Variants in LARP7 observed in about 807,000 individuals in gnomAD.
The protein encoded by LARP7 is La ribonucleoprotein 7, transcriptional regulator.
In LARP7, 52 loss-of-function variants were observed where a neutral mutation model predicts 69.3. The ratio of observed to expected loss-of-function variants is 0.75; its 90% CI spans 0.60 to 0.95. LARP7 has a LOEUF of 0.95. Ranked by LOEUF, LARP7 falls within the 40% of genes least tolerant of loss-of-function variation. The pLI, the probability that LARP7 is intolerant of heterozygous loss-of-function variation, is 0.00. For synonymous variants in LARP7, 254 were observed against 215.9 expected, an observed-to-expected ratio of 1.18 and a Z score of -1.55; for missense variants, 733 against 673.0, an observed-to-expected ratio of 1.09 and a Z score of -0.99.
At chr4:112,653,054 C>A in intron 10 of LARP7, 23 bp from the exon 11 acceptor site, 1 of 1,545,388 alleles carries the variant, frequency 6.5e-7, no homozygotes, top group Non-Finnish European at 8.7e-7. Context: ...TTTTATTTGT[C>A]TTTCTACTTA....
In LARP7 at chr4:112,657,311, T is replaced by C; in HGVS notation, c.1733T>C (p.Phe578Ser). The change falls in exon 13 of 13, where the codon TTT (phenylalanine) becomes TCT (serine). Residue 578 changes from phenylalanine (F) to serine (S), a missense_variant. Physicochemically the swap from Phe to Ser is radical, Grantham distance 155 (BLOSUM62 -2). Transcript: ENST00000344442. ...CAACAAGCGAGTAAACATATAAGAT[T>C]TTCTGAATATGATTGAAAAAAAAAA... ...KTQQASKHIR[F>S]SEYD 6.3e-7 allele frequency: 1 copy of C among 1,584,418 alleles called. No homozygotes were observed.
In LARP7 at chr4:112,647,065, G is replaced by T. The variant is rs1335783331; in HGVS notation, c.584G>T (p.Arg195Ile). Reference protein sequence around the residue: ...FLNNPPEEAPRKPGIFPKTVK... With the variant: ...FLNNPPEEAPIKPGIFPKTVK... The stretch of plus-strand genomic sequence containing the variant: ...AACAACCCACCAGAAGAAGCACCAA[G>T]AAAACCTGGCATATTTCCTAAAACA... Residue 195 changes from arginine to isoleucine, a missense_variant, in exon 6 of 13, where the codon AGA (arginine) becomes ATA (isoleucine). Coordinates refer to ENST00000344442, the MANE Select transcript of LARP7 (RefSeq NM_016648.4). The T allele has an allele frequency of 1.9e-6, 3 of 1,611,770 alleles. No homozygotes were observed. The highest frequency in any genetic ancestry group is 2.5e-6 in the Non-Finnish European group (3 of 1,179,520).
At chr4:112,650,926 G>A (rs1025448106) in intron 10 of LARP7, among the ~76,000 whole-genome samples, 8 of 151,856 alleles carry the variant, frequency 5.3e-5, no homozygotes, top group African/African-American at 1.9e-4. Context: ...AAATATTTTT[G>A]AAAACCTCTT....
At position 112,654,102 on chromosome 4, in the gene LARP7, G is replaced by T; in HGVS notation, c.1611G>T (p.Leu537Phe). 1 of 1,613,716 alleles carries T rather than the reference G, an allele frequency of 6.2e-7. No homozygotes were observed. Among genetic ancestry groups the T allele is most frequent in the Non-Finnish European group, 8.5e-7 (1 of 1,179,754 alleles). ...DHEQRYWQKI[L>F]VDRQAKLNQP... ...AACAAAGGTATTGGCAGAAGATTTT[G>T]GTTGATAGACAGGCAAAACTTAATC... The change falls in exon 12 of 13, where the codon TTG (leucine) becomes TTT (phenylalanine). Residue 537 changes from leucine (L) to phenylalanine (F), a missense_variant. Physicochemically the swap from Leu to Phe is conservative, Grantham distance 22. Coordinates refer to ENST00000344442, the MANE Select transcript of LARP7 (RefSeq NM_016648.4).
At chr4:112,648,171 AAGG>A (rs1376163156) in intron 8 of LARP7, 2 of 527,914 alleles carry the variant, frequency 3.8e-6, no homozygotes, top group African/African-American at 3.9e-5. Flanking sequence ...AAAAATGTAA[AAGG>A]AAGACTTACC....
rs748385543 is a variant in LARP7 at position 112,650,510 on chromosome 4, A to AC, written c.1346dup (p.Gln450ThrfsTer12). On this transcript the variant is annotated frameshift_variant, in exon 10 of 13. Transcript: ENST00000344442. LOFTEE classifies it high-confidence loss of function. ...CCCAGGAGAAAGTTAATGCAACAGGACCACAGTTCGTGAGTGGAGTGATTG... is the reference window on the plus strand; with the variant it reads ...CCCAGGAGAAAGTTAATGCAACAGGACCCACAGTTCGTGAGTGGAGTGATTG... The AC allele has an allele frequency of 1.2e-6, 2 of 1,613,698 alleles. No individual in the cohort carries two copies. The highest frequency in any genetic ancestry group is 2.7e-5 in the African/African-American group (2 of 74,880).
intron 12 of LARP7, among the ~76,000 whole-genome samples, 165 bp from the exon 13 acceptor site, chr4:112,657,082 G>A (rs1277863013): frequency 6.6e-6 from 1 of 151,640 alleles, no homozygotes; most frequent in East Asian, 1.9e-4. Context: ...TTTGACCTGA[G>A]CATAATTATC....
chr4:112,643,515 C>A (rs1442684193), intron 1 of LARP7, among the ~76,000 whole-genome samples: 2 of 152,088 alleles, frequency 1.3e-5, no homozygotes, highest in Non-Finnish European at 2.9e-5. Context: ...GAAATTGCTG[C>A]CCAAGAAATA....
At position 112,646,629 on chromosome 4, in the gene LARP7, G is replaced by A; in HGVS notation, c.345G>A (p.Leu115=). ...CCAGAATCCGGAGGAAAAAACCTCT[G>A]GGGGAAAGACCAAAGGATGAGGATG... ...EGTRIRRKKP[L]GERPKDEDER... is the part of the protein sequence containing the mutation. Residue 115 remains leucine (L), a synonymous_variant, in exon 4 of 13, where the codon CTG becomes CTA. Transcript: ENST00000344442. 2 of 1,604,064 alleles carry A rather than the reference G, an allele frequency of 1.2e-6. No homozygotes were observed. The highest frequency in any genetic ancestry group is 2.7e-5 in the African/African-American group (2 of 74,858).
Position 112,640,734 on chromosome 4 carries a change from G to A in LARP7, c.-3+3495G>A, listed in dbSNP as rs375884033. Among the ~76,000 whole-genome samples the A allele has an allele frequency of 3.3e-5, 5 of 152,216 alleles. No individual in the cohort carries two copies. In the East Asian group the frequency reaches 7.7e-4, roughly 23 times the overall value. ...ATAAAAAATAAAGTTATAATTCCAGGTAGTGACAACAAGATACAAGAATAA... is the reference window on the plus strand; with the variant it reads ...ATAAAAAATAAAGTTATAATTCCAGATAGTGACAACAAGATACAAGAATAA... On this transcript the variant is annotated intron_variant, in intron 1 of 12. Transcript: ENST00000344442.
chr4:112,654,787 AT>A (rs2149287658), intron 12 of LARP7: 1 of 152,358 alleles, frequency 6.6e-6, no homozygotes, highest in South Asian at 2.1e-4. Flanking sequence ...TTTAAAACAA[AT>A]TATTATACAT....
intron 11 of LARP7, 59 bp downstream of exon 11, chr4:112,653,295 A>T: frequency 7.4e-6 from 10 of 1,349,718 alleles, no homozygotes; most frequent in Admixed American, 2.8e-5. Context: ...TGAGTAATAT[A>T]TTTTCTGAGT....
rs758319132 is a variant in LARP7 at position 112,653,094 on chromosome 4, C to A, written c.1434C>A (p.Ile478=). The change falls in exon 11 of 13, where the codon ATC becomes ATA. Residue 478 remains isoleucine (I), a synonymous_variant. Transcript: ENST00000344442. ...TAATGCAGGATACTTTGGCAGCAAT[C>A]TCAGAAGTTCTTTATGTTGATTTGC... ...RKQVRDTLAA[I]SEVLYVDLLE... 6.3e-7 allele frequency: 1 copy of A among 1,590,098 alleles called. No homozygotes were observed. Among genetic ancestry groups the A allele is most frequent in the Non-Finnish European group, 8.5e-7 (1 of 1,173,140 alleles).
rs534562378 is a variant in LARP7, at chr4:112,640,191, G to A, written c.-3+2952G>A. ...TGACCTCAAGTGATACACCTGGCTC[G>A]GCCTCCCAAAGTGCTGGGATTATAG... On this transcript the variant is annotated intron_variant, in intron 1 of 12. Coordinates refer to ENST00000344442, the MANE Select transcript of LARP7 (RefSeq NM_016648.4). 4.7e-4 allele frequency among the ~76,000 whole-genome samples: 72 copies of A among 152,160 alleles called. No homozygotes were observed. The South Asian group carries it at 0.014, about 30-fold the overall frequency.
chr4:112,654,089 G>A lies in LARP7; in HGVS notation c.1598G>A (p.Trp533Ter). The change falls in exon 12 of 13, where the codon TGG becomes TAG. Residue 533 changes from tryptophan to a stop codon, truncating the protein, a stop_gained. Coordinates refer to ENST00000344442, the MANE Select transcript of LARP7 (RefSeq NM_016648.4). LOFTEE classifies it high-confidence loss of function. ...TAAGGTGATCACGAACAAAGGTATTGGCAGAAGATTTTGGTTGATAGACAG... is the reference window on the plus strand; with the variant it reads ...TAAGGTGATCACGAACAAAGGTATTAGCAGAAGATTTTGGTTGATAGACAG... ...ILSGDHEQRY[W>*]QKILVDRQAK... 1 of 1,613,572 alleles carries A rather than the reference G, an allele frequency of 6.2e-7. No individual in the cohort carries two copies. Among genetic ancestry groups the A allele is most frequent in the East Asian group, 2.2e-5 (1 of 44,820 alleles).
At chr4:112,647,989 A>C (rs1212972560) in intron 8 of LARP7, 155 bp downstream of exon 8, 3 of 719,162 alleles carry the variant, frequency 4.2e-6, no homozygotes, top group Non-Finnish European at 7.9e-6. Flanking sequence ...GCAATTGCTG[A>C]TTAGGTAGGA....
chr4:112,654,704 T>C (rs1442769047), intron 12 of LARP7: 2 of 152,332 alleles, frequency 1.3e-5, no homozygotes, highest in Non-Finnish European at 2.9e-5. Flanking sequence ...GTCTGATCAG[T>C]AGTGGAATCA....
chr4:112,656,966 T>C (rs2048979577), intron 12 of LARP7, among the ~76,000 whole-genome samples: 2 of 152,206 alleles, frequency 1.3e-5, no homozygotes, highest in Admixed American at 1.3e-4. Context: ...TTTTTTATTC[T>C]GTGTAATTTC....
In LARP7 at chr4:112,644,834, A is replaced by T. The variant is rs1192846479; in HGVS notation, c.165A>T (p.Arg55Ser). The change falls in exon 2 of 13, where the codon AGA (arginine) becomes AGT (serine). Residue 55 changes from arginine (R) to serine (S), a missense_variant. Coordinates refer to ENST00000344442, the MANE Select transcript of LARP7 (RefSeq NM_016648.4). ...WFGDANLHKD[R>S]FLREQIEKSR... ...GGGATGCAAATCTTCACAAGGATAG[A>T]TTTCTTCGAGAACAGATAGAAAAAT... 1 of 1,603,070 alleles carries T rather than the reference A, an allele frequency of 6.2e-7. No individual in the cohort carries two copies. The highest frequency in any genetic ancestry group is 1.3e-5 in the African/African-American group (1 of 74,602).
Sources: allele counts gnomAD v4.1 joint callset (sites outside exome capture counted in the v4.1 genomes callset), GRCh38; gene constraint gnomAD v4.1.1; transcripts MANE v1.5; gene names NCBI Gene and HGNC (gene_info 2026-07-23, HGNC 2026-07-21).